The following SELENOI variants were observed in gnomAD, a reference collection of about 807,000 sequenced individuals.
SELENOI encodes the protein selenoprotein I.
SELENOI carries 24 observed loss-of-function variants against 50.7 expected under a neutral mutation model. That is an observed-to-expected ratio of 0.47 (90% CI 0.34 to 0.67). The LOEUF (loss-of-function observed/expected upper bound fraction) is 0.67, where lower values mean the gene tolerates loss of function less well. SELENOI is among the 30% of genes least tolerant of loss of function. The probability of loss-of-function intolerance (pLI) is 0.01; values close to 1 mark genes in which losing one functional copy is unlikely to be tolerated. For missense variants in SELENOI, 352 were observed against 461.4 expected (o/e 0.76, Z 2.17); for synonymous variants, 155 against 170.2 (o/e 0.91, Z 0.70).
At chr2:26,350,365 T>C (rs938005534) in intron 1 of SELENOI, among the ~76,000 whole-genome samples, 1 of 152,140 alleles carries the variant, frequency 6.6e-6, no homozygotes, top group Non-Finnish European at 1.5e-5. Flanking sequence ...TTTTCATTCT[T>C]ATCTTTTTTT....
intron 1 of SELENOI, among the ~76,000 whole-genome samples, chr2:26,355,699 C>CT (rs779241433): frequency 3.3e-5 from 5 of 151,236 alleles, no homozygotes; most frequent in Non-Finnish European, 7.4e-5. Context: ...CTCAATGAGT[C>CT]ATGTTCTCTG....
intron 1 of SELENOI, among the ~76,000 whole-genome samples, chr2:26,359,085 C>T (rs1183293312): frequency 6.6e-6 from 1 of 152,094 alleles, no homozygotes; most frequent in East Asian, 1.9e-4. Flanking sequence ...CACCGCCAGC[C>T]CCATTTGCTT....
chr2:26,362,535 TG>T (rs200850737), intron 1 of SELENOI, among the ~76,000 whole-genome samples: 9,540 of 151,922 alleles, frequency 0.063, 959 homozygotes, highest in African/African-American at 0.22. Context: ...CCGAGGCAGG[TG>T]GGTCACCTGA....
In SELENOI at chr2:26,373,231, AG is replaced by A. The variant is rs1470556542; in HGVS notation, c.311-135del. 2.9e-6 allele frequency: 3 copies of A among 1,047,494 alleles called. No individual in the cohort carries two copies. The African/African-American group carries it at 4.9e-5, about 17-fold the overall frequency. The allele number at this position is 1,047,494 out of a possible 1,614,324, so 64.9% of individuals were successfully genotyped here. Reference sequence around the variant, plus strand: ...TAGAATTAAATAATTAGATTTTTATAGTACCAGCTGATAGCTATACTTAACA... The same window carrying A: ...TAGAATTAAATAATTAGATTTTTATATACCAGCTGATAGCTATACTTAACA... On this transcript the variant is annotated intron_variant, in intron 4 of 9. Transcript: ENST00000260585.
In SELENOI at chr2:26,378,616, CA is replaced by C. The variant is rs200099977; in HGVS notation, c.682+3469del. On this transcript the variant is annotated intron_variant, in intron 6 of 9. Coordinates refer to ENST00000260585, the MANE Select transcript of SELENOI (RefSeq NM_033505.4). ...TGGCTTTCCATCATCTGGTCTGGGACAGGGGGTAGGCAAGCCACGAACTCAG... is the reference window on the plus strand; with the variant it reads ...TGGCTTTCCATCATCTGGTCTGGGACGGGGGTAGGCAAGCCACGAACTCAG... Among the ~76,000 whole-genome samples, 699 of 152,316 alleles carry C rather than the reference CA, an allele frequency of 4.6e-3. 24 individuals carry two copies. In the South Asian group the frequency reaches 0.079, roughly 17 times the overall value.
intron 4 of SELENOI, among the ~76,000 whole-genome samples, chr2:26,372,406 C>T (rs538315783): frequency 7.2e-5 from 11 of 152,290 alleles, no homozygotes; most frequent in Admixed American, 3.9e-4. Flanking sequence ...CCACCACACC[C>T]GGCCTGTTCC....
rs901961182 is a variant in SELENOI, at chr2:26,364,076, C to T, written c.58-226C>T. 1.6e-3 allele frequency among the ~76,000 whole-genome samples: 232 copies of T among 141,356 alleles called. 1 individual carries two copies. The Middle Eastern group carries it at 0.018, about 11-fold the overall frequency. 92.7% of individuals were successfully genotyped at this position (141,356 alleles called of 152,430 possible). A position where few individuals can be genotyped will look rare whatever the true frequency, so the allele number is the denominator to read the frequency against. Reference sequence around the variant, plus strand: ...TTTTGTACTATTACTTTCTTTCTCCCCCTTTTTTTTTTTTTTTTTTTTTGG... The same window carrying T: ...TTTTGTACTATTACTTTCTTTCTCCTCCTTTTTTTTTTTTTTTTTTTTTGG... On this transcript the variant is annotated intron_variant, in intron 1 of 9. Transcript: ENST00000260585.
At chr2:26,353,852 G>A (rs1337552673) in intron 1 of SELENOI, among the ~76,000 whole-genome samples, 1 of 152,146 alleles carries the variant, frequency 6.6e-6, no homozygotes, top group Non-Finnish European at 1.5e-5. Flanking sequence ...CTGCTGTAGT[G>A]CTTAAATATT....
At chr2:26,388,887 A>T (rs1276697090) in intron 9 of SELENOI, 118 bp from the exon 10 acceptor site, 1 of 755,884 alleles carries the variant, frequency 1.3e-6, no homozygotes, top group African/African-American at 1.8e-5. Context: ...CCTTTTCAGT[A>T]TTTCTCATGA....
At chr2:26,363,302 A>G (rs1677220605) in intron 1 of SELENOI, among the ~76,000 whole-genome samples, 1 of 152,210 alleles carries the variant, frequency 6.6e-6, no homozygotes, top group Non-Finnish European at 1.5e-5. Context: ...TGAAGAAACT[A>G]AGGCAGAGAG....
At chr2:26,380,722 T>C (rs1677673512) in intron 6 of SELENOI, among the ~76,000 whole-genome samples, 1 of 152,224 alleles carries the variant, frequency 6.6e-6, no homozygotes, top group Admixed American at 6.5e-5. Context: ...ATATGGGTTG[T>C]GTGATTTTCT....
chr2:26,381,228 T>TTTTTTTTTTA (rs1491062460), intron 6 of SELENOI, among the ~76,000 whole-genome samples: 1 of 105,126 alleles, frequency 9.5e-6, no homozygotes, highest in African/African-American at 3.2e-5. Flanking sequence ...TTTTTTTTTT[T>TTTTTTTTTTA]TACAAATTCT....
intron 1 of SELENOI, among the ~76,000 whole-genome samples, chr2:26,361,314 A>G (rs1296508510): frequency 1.3e-5 from 2 of 152,254 alleles, no homozygotes; most frequent in Non-Finnish European, 2.9e-5. Context: ...CCAATTCCCC[A>G]AAGATACCGA....
rs994012568 is a variant in SELENOI, at chr2:26,392,292, C to G, written c.*3189C>G. 6.6e-6 allele frequency: 1 copy of G among 152,102 alleles called. No individual in the cohort carries two copies. Among genetic ancestry groups the G allele is most frequent in the African/African-American group, 2.4e-5 (1 of 41,416 alleles). The allele number at this position is 152,102 out of a possible 1,614,324, so 9.4% of individuals were successfully genotyped here. On this transcript the variant is annotated 3_prime_UTR_variant, in exon 10 of 10. Transcript: ENST00000260585. ...TAACATCCTATGAATTTGAAACATC[C>G]TATGAATTTGAAAGTTTCCTAAGTG...
chr2:26,360,277 G>A (rs1017043248), intron 1 of SELENOI, among the ~76,000 whole-genome samples: 4 of 152,178 alleles, frequency 2.6e-5, no homozygotes, highest in Non-Finnish European at 5.9e-5. Flanking sequence ...ACTCAGGTGT[G>A]TAAGGCGAGA....
chr2:26,346,152 G>C lies in SELENOI; in HGVS notation c.-81G>C, dbSNP rs773529782. The stretch of plus-strand genomic sequence containing the variant: ...GGGCAGCCCAGTCTTTGCCATCCTT[G>C]CCCAGCCGGTGTGGTGCTTGTGTGT... On this transcript the variant is annotated 5_prime_UTR_variant, in exon 1 of 10. Transcript: ENST00000260585. 1.2e-5 allele frequency: 19 copies of C among 1,606,424 alleles called. No individual in the cohort carries two copies. The highest frequency in any genetic ancestry group is 1.5e-5 in the Non-Finnish European group (18 of 1,176,908).
intron 6 of SELENOI, among the ~76,000 whole-genome samples, chr2:26,380,156 A>G (rs939428100): frequency 1.3e-5 from 2 of 152,204 alleles, no homozygotes; most frequent in African/African-American, 4.8e-5. Flanking sequence ...ATAATTATGT[A>G]AAATATTTGT....
chr2:26,346,532 GA>G, intron 1 of SELENOI: 1 of 433,916 alleles, frequency 2.3e-6, no homozygotes. Context: ...AGCGCTCAGT[GA>G]TCATGGAGCG....
intron 1 of SELENOI, among the ~76,000 whole-genome samples, chr2:26,348,589 T>C (rs1178950278): frequency 6.6e-6 from 1 of 152,256 alleles, no homozygotes; most frequent in Non-Finnish European, 1.5e-5. Flanking sequence ...TTCGCTATTG[T>C]GTTACTTAAC....
Sources: gnomAD v4.1 joint callset for allele counts (sites outside exome capture counted in the v4.1 genomes callset) on GRCh38, gnomAD v4.1.1 for gene constraint, MANE v1.5 for transcripts, NCBI Gene and HGNC (gene_info 2026-07-23, HGNC 2026-07-21) for gene names.